SMIM40: variants seen among roughly 807,000 people sequenced by gnomAD.
SMIM40 encodes the protein small integral membrane protein 40.
In SMIM40 at chr6:33,325,657, C is replaced by A. The variant is rs371094123; in HGVS notation, c.*40-1627G>T. ...GAAATCGAGACCACCCTGGCTAACACGGTGAAACCCTGTCTCTACTAAAAA... is the reference window on the plus strand; with the variant it reads ...GAAATCGAGACCACCCTGGCTAACAAGGTGAAACCCTGTCTCTACTAAAAA... On this transcript the variant is annotated intron_variant, in intron 1 of 2. Coordinates refer to ENST00000494082, the MANE Select transcript of SMIM40 (RefSeq NM_001369203.1). Among the ~76,000 whole-genome samples the A allele has an allele frequency of 2.6e-4, 36 of 138,042 alleles. 2 individuals carry two copies. Among genetic ancestry groups the A allele is most frequent in the African/African-American group, 9.8e-4 (33 of 33,812 alleles). The allele number at this position is 138,042 out of a possible 152,430, so 90.6% of individuals were successfully genotyped here.
Position 33,324,545 on chromosome 6 carries a change from CTTTT to C in SMIM40, c.*40-519_*40-516del, listed in dbSNP as rs9280406. Among the ~76,000 whole-genome samples, 39 of 103,206 alleles carry C rather than the reference CTTTT, an allele frequency of 3.8e-4. 1 individual carries two copies. The highest frequency in any genetic ancestry group is 1.3e-3 in the African/African-American group (36 of 27,860). The allele number at this position is 103,206 out of a possible 152,430, so 67.7% of individuals were successfully genotyped here. A position where few individuals can be genotyped will look rare whatever the true frequency, so the allele number is the denominator to read the frequency against. ...CAAGGCACCATGAATACCACCTTTT[CTTTT>C]TTTTTTTTTTTTTTTTCCTTTCTTT... On this transcript the variant is annotated intron_variant, in intron 1 of 2. Transcript: ENST00000494082.
chr6:33,329,017 G>A lies in SMIM40; in HGVS notation c.*9C>T, dbSNP rs1337009112. 2.0e-5 allele frequency: 8 copies of A among 398,542 alleles called. No individual in the cohort carries two copies. The highest frequency in any genetic ancestry group is 1.3e-5 in the Non-Finnish European group (3 of 226,196). 24.7% of individuals were successfully genotyped at this position (398,542 alleles called of 1,614,324 possible). Reference sequence around the variant, plus strand: ...TGGTGGGGAAAGAAGATGTTTATAGGAAAGGTGGTCACAATTCCAGCTCCT... The same window carrying A: ...TGGTGGGGAAAGAAGATGTTTATAGAAAAGGTGGTCACAATTCCAGCTCCT... On this transcript the variant is annotated 3_prime_UTR_variant, in exon 1 of 3. Transcript: ENST00000494082.
chr6:33,326,016 G>A (rs1771149978), intron 1 of SMIM40, among the ~76,000 whole-genome samples: 2 of 149,832 alleles, frequency 1.3e-5, no homozygotes, highest in South Asian at 4.2e-4. Context: ...GTATATGCAG[G>A]AAGATGTAAA....
chr6:33,326,212 G>A (rs530649167), intron 1 of SMIM40, among the ~76,000 whole-genome samples: 3 of 147,450 alleles, frequency 2.0e-5, no homozygotes, highest in Admixed American at 2.0e-4. Context: ...CCAGGCTGGA[G>A]TTCAATGGCA....
intron 1 of SMIM40, among the ~76,000 whole-genome samples, chr6:33,326,042 G>A (rs1771151028): frequency 6.7e-6 from 1 of 149,422 alleles, no homozygotes; most frequent in African/African-American, 2.6e-5. Context: ...GGTCAATAAA[G>A]GACTTTCAAG....
chr6:33,328,584 G>A (rs1249724935), intron 1 of SMIM40, among the ~76,000 whole-genome samples: 1 of 151,968 alleles, frequency 6.6e-6, no homozygotes. Context: ...GAGTATAGGT[G>A]CAGAATTTAA....
chr6:33,327,950 C>T (rs970004652), intron 1 of SMIM40, among the ~76,000 whole-genome samples: 2 of 147,712 alleles, frequency 1.4e-5, no homozygotes, highest in Non-Finnish European at 3.0e-5. Context: ...ATTAGGGGTG[C>T]TGGTGCACAC....
intron 1 of SMIM40, among the ~76,000 whole-genome samples, chr6:33,327,156 C>T (rs569444921): frequency 1.4e-5 from 2 of 142,398 alleles, no homozygotes; most frequent in Admixed American, 1.4e-4. Context: ...GGTGCAGTGG[C>T]TCATGCTGTA....
At chr6:33,324,545 C>CTTTTTTTTTTTTTTTTTTCCTTTTTTT (rs1771014179) in intron 1 of SMIM40, among the ~76,000 whole-genome samples, 1 of 103,216 alleles carries the variant, frequency 9.7e-6, no homozygotes, top group African/African-American at 3.6e-5. Context: ...ACCACCTTTT[C>CTTTTTTTTTTTTTTTTTTCCTTTTTTT]TTTTTTTTTT....
At position 33,327,283 on chromosome 6, in the gene SMIM40, G is replaced by A. The variant is rs190357925; in HGVS notation, c.*39+1704C>T. ...CTAAAAATACAAAAATTAGCTGGGC[G>A]TGGTGGCTCGCGCCTTTAGTCCCAG... On this transcript the variant is annotated intron_variant, in intron 1 of 2. Transcript: ENST00000494082. Among the ~76,000 whole-genome samples, 395 of 149,496 alleles carry A rather than the reference G, an allele frequency of 2.6e-3. 4 individuals are homozygous for A. The highest frequency in any genetic ancestry group is 9.0e-4 in the Non-Finnish European group (61 of 67,972).
chr6:33,324,545 CTTTTTTTT>C (rs9280406), intron 1 of SMIM40, among the ~76,000 whole-genome samples: 24 of 103,206 alleles, frequency 2.3e-4, no homozygotes, highest in African/African-American at 7.5e-4. Context: ...ACCACCTTTT[CTTTTTTTT>C]TTTTTTTTTT....
intron 1 of SMIM40, among the ~76,000 whole-genome samples, chr6:33,325,806 C>T (rs987895911): frequency 2.0e-5 from 3 of 146,638 alleles, no homozygotes; most frequent in African/African-American, 8.1e-5. Flanking sequence ...TGCAGTGAGC[C>T]GAGATCGCGC....
At chr6:33,327,502 G>A (rs546261719) in intron 1 of SMIM40, among the ~76,000 whole-genome samples, 3 of 149,706 alleles carry the variant, frequency 2.0e-5, no homozygotes, top group Admixed American at 6.6e-5. Context: ...GTTGAGGTGG[G>A]TGGATTGCTT....
At chr6:33,325,857 TAAA>T (rs781570958) in intron 1 of SMIM40, among the ~76,000 whole-genome samples, 3 of 127,728 alleles carry the variant, frequency 2.3e-5, no homozygotes, top group Non-Finnish European at 1.6e-5. Flanking sequence ...GACTCCGTCT[TAAA>T]AAAAAAAAAA....
At chr6:33,327,861 C>CAAAAAAAAA (rs375476107) in intron 1 of SMIM40, among the ~76,000 whole-genome samples, 1 of 70,362 alleles carries the variant, frequency 1.4e-5, no homozygotes, top group Non-Finnish European at 2.6e-5. Flanking sequence ...GACTCTGTCA[C>CAAAAAAAAA]AAAAAAAAAA....
chr6:33,324,591 A>T (rs11969869), intron 1 of SMIM40, among the ~76,000 whole-genome samples: 3,697 of 74,496 alleles, frequency 0.05, 195 homozygotes, highest in African/African-American at 0.19. Context: ...TTTTTTTTTT[A>T]AATGCAGGGT....
At chr6:33,326,320 C>T (rs1771168171) in intron 1 of SMIM40, among the ~76,000 whole-genome samples, 1 of 142,400 alleles carries the variant, frequency 7.0e-6, no homozygotes, top group Admixed American at 6.9e-5. Context: ...AACACCATGC[C>T]CAGCTAATTT....
intron 1 of SMIM40, among the ~76,000 whole-genome samples, chr6:33,327,080 C>T (rs750457993): frequency 2.7e-5 from 4 of 146,010 alleles, no homozygotes; most frequent in Non-Finnish European, 5.9e-5. Context: ...GCCAAGATCG[C>T]ACCACTACAC....
At chr6:33,326,903 C>T (rs2151009649) in intron 1 of SMIM40, among the ~76,000 whole-genome samples, 1 of 146,686 alleles carries the variant, frequency 6.8e-6, no homozygotes, top group South Asian at 2.1e-4. Context: ...AGGCAGATCA[C>T]CTGAGGTCAG....
Sources: gnomAD v4.1 joint callset for allele counts (sites outside exome capture counted in the v4.1 genomes callset) on GRCh38, gnomAD v4.1.1 for gene constraint, MANE v1.5 for transcripts, NCBI Gene and HGNC (gene_info 2026-07-23, HGNC 2026-07-21) for gene names.